Variants in ZDHHC14 observed in about 807,000 individuals in gnomAD.
The protein encoded by ZDHHC14 is palmitoyltransferase ZDHHC14.
A neutral mutation model predicts 47.7 loss-of-function variants in ZDHHC14; 16 were observed. The ratio of observed to expected loss-of-function variants is 0.34; its 90% CI spans 0.23 to 0.51. ZDHHC14 has a LOEUF of 0.51. Among genes scored for constraint, ZDHHC14 ranks in the 20% least tolerant of loss-of-function variants. ZDHHC14 has a pLI of 0.97. For missense variants in ZDHHC14, 515 were observed against 662.5 expected, an observed-to-expected ratio of 0.78 and a Z score of 2.44; for synonymous variants, 293 against 278.9, an observed-to-expected ratio of 1.05 and a Z score of -0.50.
intron 1 of ZDHHC14, among the ~76,000 whole-genome samples, chr6:157,395,969 T>C (rs1777513629): frequency 6.6e-6 from 1 of 152,172 alleles, no homozygotes; most frequent in African/African-American, 2.4e-5. Context: ...CTCTGTTCCC[T>C]AAGATCTCAG....
At chr6:157,440,140 C>T (rs892681348) in intron 1 of ZDHHC14, among the ~76,000 whole-genome samples, 43 of 150,896 alleles carry the variant, frequency 2.8e-4, no homozygotes, top group African/African-American at 9.3e-4. Context: ...ACCTGCACAT[C>T]CTGCACAGGT....
intron 1 of ZDHHC14, among the ~76,000 whole-genome samples, chr6:157,423,886 C>A (rs1489267341): frequency 1.3e-5 from 2 of 152,172 alleles, no homozygotes; most frequent in Admixed American, 1.3e-4. Flanking sequence ...TCTGACCCCC[C>A]AGGCGATTCG....
chr6:157,421,314 C>T (rs1445090649), intron 1 of ZDHHC14, among the ~76,000 whole-genome samples: 3 of 151,228 alleles, frequency 2.0e-5, no homozygotes, highest in Non-Finnish European at 4.4e-5. Flanking sequence ...GGTGAAACCA[C>T]GTCTCTACTA....
At position 157,381,516 on chromosome 6, in the gene ZDHHC14, C is replaced by T. The variant is rs773894600; in HGVS notation, c.-506C>T. 3 of 406,118 alleles carry T rather than the reference C, an allele frequency of 7.4e-6. No individual in the cohort carries two copies. The highest frequency in any genetic ancestry group is 1.2e-4 in the East Asian group (1 of 8,294). 25.2% of individuals were successfully genotyped at this position (406,118 alleles called of 1,614,324 possible). On this transcript the variant is annotated 5_prime_UTR_variant, in exon 1 of 9. Coordinates refer to ENST00000359775, the MANE Select transcript of ZDHHC14 (RefSeq NM_024630.3). ...CAGCGCTCTCTCCTGGGAGGATCCG[C>T]TGCCGGAGGAAGGAGTGGACCCAAC...
intron 1 of ZDHHC14, among the ~76,000 whole-genome samples, chr6:157,455,082 T>A (rs1335596813): frequency 6.6e-6 from 1 of 152,228 alleles, no homozygotes; most frequent in Non-Finnish European, 1.5e-5. Context: ...TGATGTTTCC[T>A]GGGAGGCGCA....
chr6:157,588,354 G>A (rs1021079379), intron 2 of ZDHHC14, among the ~76,000 whole-genome samples: 5 of 152,086 alleles, frequency 3.3e-5, no homozygotes, highest in Non-Finnish European at 5.9e-5. Context: ...AGCAGCTTGG[G>A]AGGCTGAGGT....
intron 1 of ZDHHC14, among the ~76,000 whole-genome samples, chr6:157,407,678 A>G (rs1777791252): frequency 6.6e-6 from 1 of 152,222 alleles, no homozygotes; most frequent in African/African-American, 2.4e-5. Flanking sequence ...TGGCCATGTG[A>G]TTACAATGAA....
At chr6:157,465,105 C>CTTTTTTTTTTTTTTTTTTTTTTTTTCTT (rs772080368) in intron 1 of ZDHHC14, among the ~76,000 whole-genome samples, 1 of 102,006 alleles carries the variant, frequency 9.8e-6, no homozygotes, top group Admixed American at 1.1e-4. Context: ...TCTCTTTCTC[C>CTTTTTTTTTTTTTTTTTTTTTTTTTCTT]TTTTTTTTTT....
At chr6:157,461,710 A>C (rs1297728288) in intron 1 of ZDHHC14, among the ~76,000 whole-genome samples, 1 of 152,212 alleles carries the variant, frequency 6.6e-6, no homozygotes, top group Non-Finnish European at 1.5e-5. Context: ...CTGTTGGAGA[A>C]CAGAGCTGGG....
At chr6:157,451,646 C>T (rs550798477) in intron 1 of ZDHHC14, among the ~76,000 whole-genome samples, 37 of 152,318 alleles carry the variant, frequency 2.4e-4, no homozygotes, top group East Asian at 5.8e-4. Flanking sequence ...CTGCAATCTC[C>T]GCCTCCTGGG....
chr6:157,407,398 G>A (rs974864710), intron 1 of ZDHHC14, among the ~76,000 whole-genome samples: 4 of 152,136 alleles, frequency 2.6e-5, no homozygotes, highest in African/African-American at 9.7e-5. Flanking sequence ...CATTGGGGAT[G>A]AAAGTCGCAG....
chr6:157,537,223 C>A (rs1781576973), intron 1 of ZDHHC14, among the ~76,000 whole-genome samples: 1 of 152,196 alleles, frequency 6.6e-6, no homozygotes, highest in Non-Finnish European at 1.5e-5. Flanking sequence ...AAAACAGTTC[C>A]ATTTTTCATG....
At position 157,494,325 on chromosome 6, in the gene ZDHHC14, G is replaced by A. The variant is rs138680772; in HGVS notation, c.246-48260G>A. On this transcript the variant is annotated intron_variant, in intron 1 of 8. Transcript: ENST00000359775. ...GTCCTTGGATGCCTGTCCCTCCTCC[G>A]ACCTTCCCCTGCACCCTCTGACACT... Among the ~76,000 whole-genome samples the A allele has an allele frequency of 3.9e-3, 587 of 152,236 alleles. 6 individuals carry two copies. The highest frequency in any genetic ancestry group is 0.013 in the African/African-American group (552 of 41,540).
chr6:157,469,432 T>C (rs1421965890), intron 1 of ZDHHC14, among the ~76,000 whole-genome samples: 1 of 152,212 alleles, frequency 6.6e-6, no homozygotes, highest in African/African-American at 2.4e-5. Context: ...AAGCTGCCTA[T>C]ATGTAGGGGA....
intron 2 of ZDHHC14, among the ~76,000 whole-genome samples, chr6:157,553,220 G>A (rs772312531): frequency 6.6e-6 from 1 of 152,186 alleles, no homozygotes; most frequent in African/African-American, 2.4e-5. Context: ...CTGGGGGATG[G>A]TGGGGGATGA....
Position 157,586,568 on chromosome 6 carries a change from CTCTT to C in ZDHHC14, c.407-6418_407-6415del, listed in dbSNP as rs1377583445. On this transcript the variant is annotated intron_variant, in intron 2 of 8. Transcript: ENST00000359775. This position sits in a 1 kb window ranked among gnomAD's most constrained non-coding sequence, Gnocchi z 4.6. ...ATGGGACTTGCATTTAGAAAGCTGACTCTTTAAGGGCCAGGAGAACAGATCAGAT... is the reference window on the plus strand; with the variant it reads ...ATGGGACTTGCATTTAGAAAGCTGACTAAGGGCCAGGAGAACAGATCAGAT... 6.6e-6 allele frequency among the ~76,000 whole-genome samples: 1 copy of C among 152,148 alleles called. No homozygotes were observed. The highest frequency in any genetic ancestry group is 1.5e-5 in the Non-Finnish European group (1 of 68,026).
At chr6:157,653,040 A>G (rs576855005) in intron 7 of ZDHHC14, among the ~76,000 whole-genome samples, 2 of 152,310 alleles carry the variant, frequency 1.3e-5, no homozygotes, top group African/African-American at 4.8e-5. Flanking sequence ...ACAAAAACAC[A>G]GAGATAGCCA....
chr6:157,438,843 G>A (rs1385102173), intron 1 of ZDHHC14, among the ~76,000 whole-genome samples: 1 of 152,212 alleles, frequency 6.6e-6, no homozygotes, highest in Admixed American at 6.5e-5. Context: ...ATTTATGGAT[G>A]TGTTTGGCTG....
At chr6:157,406,003 T>C (rs1379536729) in intron 1 of ZDHHC14, among the ~76,000 whole-genome samples, 1 of 152,220 alleles carries the variant, frequency 6.6e-6, no homozygotes, top group South Asian at 2.1e-4. Flanking sequence ...CCCTTCTAAA[T>C]AGGATAATGC....
Sources: allele counts gnomAD v4.1 joint callset (sites outside exome capture counted in the v4.1 genomes callset), GRCh38; gene constraint gnomAD v4.1.1; non-coding constraint Gnocchi (gnomAD v3.1); transcripts MANE v1.5; gene names NCBI Gene and HGNC (gene_info 2026-07-23, HGNC 2026-07-21).